The following KLHL29 variants were observed in gnomAD, a reference collection of about 807,000 sequenced individuals.
The protein encoded by KLHL29 is kelch like family member 29.
A neutral mutation model predicts 80.4 loss-of-function variants in KLHL29; 21 were observed. The ratio of observed to expected loss-of-function variants is 0.26; its 90% CI spans 0.19 to 0.38. The LOEUF is 0.38. Ranked by LOEUF, KLHL29 falls within the 10% of genes least tolerant of loss-of-function variation. KLHL29 has a pLI of 1.00. For synonymous variants in KLHL29, 511 were observed against 526.8 expected (o/e 0.97, Z 0.41); for missense variants, 867 against 1,223.9 (o/e 0.71, Z 4.35).
At chr2:23,500,691 A>T (rs1012708760) in intron 2 of KLHL29, among the ~76,000 whole-genome samples, 18 of 152,330 alleles carry the variant, frequency 1.2e-4, no homozygotes, top group South Asian at 2.1e-4. Context: ...TTAGGTTTAT[A>T]AAAAAACTGG....
At chr2:23,554,513 G>C (rs2103491575) in intron 2 of KLHL29, among the ~76,000 whole-genome samples, 1 of 152,308 alleles carries the variant, frequency 6.6e-6, no homozygotes, top group South Asian at 2.1e-4. Context: ...GTGTCTTAAT[G>C]ATAGGAACGA....
At chr2:23,694,114 G>A (rs1249841640) in intron 8 of KLHL29, among the ~76,000 whole-genome samples, 1 of 152,220 alleles carries the variant, frequency 6.6e-6, no homozygotes, top group Non-Finnish European at 1.5e-5. Context: ...TGTGTCTCAG[G>A]CTGAAACCCT....
intron 3 of KLHL29, among the ~76,000 whole-genome samples, chr2:23,591,139 G>GA (rs1668249039): frequency 6.6e-6 from 1 of 152,210 alleles, no homozygotes; most frequent in Non-Finnish European, 1.5e-5. Context: ...CAAAGACCTG[G>GA]CAAGGTGAGG....
chr2:23,563,388 G>T (rs1667501036), intron 3 of KLHL29, among the ~76,000 whole-genome samples: 1 of 152,238 alleles, frequency 6.6e-6, no homozygotes, highest in Non-Finnish European at 1.5e-5. Flanking sequence ...ACCGAGCAGG[G>T]GCTGTGCAGG....
intron 3 of KLHL29, among the ~76,000 whole-genome samples, chr2:23,608,466 A>G (rs1276260712): frequency 2.0e-5 from 3 of 149,184 alleles, no homozygotes; most frequent in East Asian, 3.9e-4. Context: ...CCTCTGTCTT[A>G]TCTTCTATGC....
intron 2 of KLHL29, among the ~76,000 whole-genome samples, chr2:23,487,510 G>T (rs974369925): frequency 6.6e-6 from 1 of 152,138 alleles, no homozygotes; most frequent in African/African-American, 2.4e-5. Context: ...TGGCTGCATG[G>T]GTTGGTCATT....
intron 3 of KLHL29, among the ~76,000 whole-genome samples, chr2:23,566,371 T>A (rs973377788): frequency 1.3e-5 from 2 of 152,156 alleles, no homozygotes; most frequent in Admixed American, 1.3e-4. Flanking sequence ...CCAAAGAAAA[T>A]GTGGCCTGCC....
chr2:23,444,746 C>T (rs1663625495), intron 1 of KLHL29, among the ~76,000 whole-genome samples: 1 of 152,100 alleles, frequency 6.6e-6, no homozygotes, highest in South Asian at 2.1e-4. Flanking sequence ...ATAAAACTAC[C>T]AAGTGAAGCT....
chr2:23,438,974 G>A (rs1284577939), intron 1 of KLHL29, among the ~76,000 whole-genome samples: 3 of 146,070 alleles, frequency 2.1e-5, no homozygotes, highest in Admixed American at 1.4e-4. Context: ...ATTGATTATT[G>A]CCACAATTTC....
rs184921992 is a variant in KLHL29 at position 23,479,617 on chromosome 2, C to T, written c.-46+3950C>T. ...CAGATGGCACCTCTGTCCTAAGGTC[C>T]GGACCATTTCTCCAGTGGCTCATGC... On this transcript the variant is annotated intron_variant, in intron 2 of 13. Coordinates refer to ENST00000486442, the MANE Select transcript of KLHL29 (RefSeq NM_052920.2). Among the ~76,000 whole-genome samples, 78 of 152,260 alleles carry T rather than the reference C, an allele frequency of 5.1e-4. 5 individuals are homozygous for T. Among genetic ancestry groups the T allele is most frequent in the African/African-American group, 1.6e-3 (66 of 41,558 alleles).
chr2:23,590,915 G>A (rs954687209), intron 3 of KLHL29, among the ~76,000 whole-genome samples: 4 of 152,192 alleles, frequency 2.6e-5, no homozygotes, highest in East Asian at 1.9e-4. Flanking sequence ...GGCCCTGATC[G>A]CCACAGACGT....
intron 1 of KLHL29, among the ~76,000 whole-genome samples, chr2:23,421,997 CTG>C (rs1305787914): frequency 7.9e-6 from 1 of 126,362 alleles, no homozygotes; most frequent in Admixed American, 7.6e-5. Context: ...GTGTTTGTCT[CTG>C]TCAGTGTATC....
intron 1 of KLHL29, among the ~76,000 whole-genome samples, chr2:23,411,343 A>G (rs937326252): frequency 5.4e-5 from 8 of 148,518 alleles, no homozygotes; most frequent in South Asian, 2.2e-4. Context: ...AGTAGTTCCC[A>G]TGCCTGGAGT....
intron 1 of KLHL29, among the ~76,000 whole-genome samples, chr2:23,418,192 T>G (rs1662653640): frequency 1.3e-5 from 2 of 152,220 alleles, no homozygotes; most frequent in Non-Finnish European, 2.9e-5. Context: ...GGCCTTGTGC[T>G]TCCACCTGCC....
At chr2:23,554,384 G>A (rs1021061451) in intron 2 of KLHL29, among the ~76,000 whole-genome samples, 2 of 152,238 alleles carry the variant, frequency 1.3e-5, no homozygotes, top group African/African-American at 4.8e-5. Flanking sequence ...GCCGGGCCGA[G>A]GCTCATTCCT....
intron 2 of KLHL29, among the ~76,000 whole-genome samples, chr2:23,534,424 A>G (rs1346957623): frequency 1.3e-5 from 2 of 151,596 alleles, no homozygotes; most frequent in Non-Finnish European, 2.9e-5. Flanking sequence ...CCAGCGTGGA[A>G]TTTTCCTCTC....
At chr2:23,693,147 A>G in intron 7 of KLHL29, 122 bp from the exon 8 acceptor site, 2 of 1,136,506 alleles carry the variant, frequency 1.8e-6, no homozygotes, top group Non-Finnish European at 2.3e-6. Flanking sequence ...GGGACTCTGG[A>G]CACTGCAGTC....
At chr2:23,692,332 C>T (rs1279493454) in intron 7 of KLHL29, among the ~76,000 whole-genome samples, 2 of 152,246 alleles carry the variant, frequency 1.3e-5, no homozygotes, top group Non-Finnish European at 2.9e-5. Context: ...CTTGAGTACC[C>T]AGATCTGCTG....
intron 1 of KLHL29, among the ~76,000 whole-genome samples, chr2:23,413,062 A>G (rs1177183647): frequency 6.6e-6 from 1 of 152,184 alleles, no homozygotes; most frequent in African/African-American, 2.4e-5. Flanking sequence ...AAATGCCTGC[A>G]GTTCTCTATT....
Sources: gnomAD v4.1 joint callset for allele counts (sites outside exome capture counted in the v4.1 genomes callset) on GRCh38, gnomAD v4.1.1 for gene constraint, MANE v1.5 for transcripts, NCBI Gene and HGNC (gene_info 2026-07-23, HGNC 2026-07-21) for gene names.